PRP4K: variants seen among roughly 807,000 people sequenced by gnomAD.
PRP4K encodes the protein pre-mRNA processing factor kinase PRP4K.
the PRP4K span, chr6:4,056,895 A>C: frequency 9.1e-7 from 1 of 1,100,492 alleles, no homozygotes; most frequent in Non-Finnish European, 1.3e-6. Flanking sequence ...GAAAGAACAC[A>C]AAACTAATTG....
the PRP4K span, among the ~76,000 whole-genome samples, chr6:4,027,133 C>T: frequency 6.6e-6 from 1 of 152,194 alleles, no homozygotes; most frequent in Non-Finnish European, 1.5e-5. Flanking sequence ...AGAGTAGTGA[C>T]ATAATCTGAC....
the PRP4K span, chr6:4,049,948 A>G: frequency 2.0e-6 from 3 of 1,494,896 alleles, no homozygotes; most frequent in Non-Finnish European, 2.7e-6. Flanking sequence ...TTTTTAAACT[A>G]TTTTTTTAAA....
At chr6:4,055,108 A>C in the PRP4K span, among the ~76,000 whole-genome samples, 1 of 152,232 alleles carries the variant, frequency 6.6e-6, no homozygotes, top group Non-Finnish European at 1.5e-5. Flanking sequence ...GTGTGGTTTA[A>C]GTACCACATT....
At chr6:4,047,294 T>C in the PRP4K span, 1 of 1,418,306 alleles carries the variant, frequency 7.1e-7, no homozygotes, top group Non-Finnish European at 9.9e-7. Flanking sequence ...AAATAACAAA[T>C]ATATTGGTGC....
chr6:4,032,824 G>A, the PRP4K span: 5 of 1,412,638 alleles, frequency 3.5e-6, no homozygotes, highest in Non-Finnish European at 4.6e-6. Flanking sequence ...ACTAGAACTT[G>A]TGGACCATTA....
chr6:4,021,482 G>C, the PRP4K span: 2 of 1,575,034 alleles, frequency 1.3e-6, no homozygotes, highest in African/African-American at 1.3e-5. Flanking sequence ...TAGTCTCTGT[G>C]AGTGGGCCAG....
chr6:4,032,244 A>G, the PRP4K span: 6 of 1,613,516 alleles, frequency 3.7e-6, no homozygotes, highest in Non-Finnish European at 4.2e-6. Context: ...AAAATCCCCT[A>G]CCCTTAGAAG....
chr6:4,029,938 CTTT>C, the PRP4K span, among the ~76,000 whole-genome samples: 7 of 133,746 alleles, frequency 5.2e-5, no homozygotes, highest in Non-Finnish European at 8.1e-5. Context: ...TGTTTTCTTT[CTTT>C]TTTTTTTTTT....
chr6:4,046,443 T>C, the PRP4K span, among the ~76,000 whole-genome samples: 2 of 152,176 alleles, frequency 1.3e-5, no homozygotes. Context: ...AGAAAATCCT[T>C]TTATTTTTTA....
At chr6:4,053,592 T>G in the PRP4K span, among the ~76,000 whole-genome samples, 1 of 152,208 alleles carries the variant, frequency 6.6e-6, no homozygotes, top group African/African-American at 2.4e-5. Flanking sequence ...TTTTTAAAAT[T>G]TTGAAATACA....
chr6:4,063,013 C>T, the PRP4K span: 1 of 152,524 alleles, frequency 6.6e-6, no homozygotes, highest in Non-Finnish European at 1.5e-5. Context: ...CTTATACCTT[C>T]AAAACTGTTA....
At chr6:4,040,184 G>GTT in the PRP4K span, among the ~76,000 whole-genome samples, 5 of 144,560 alleles carry the variant, frequency 3.5e-5, no homozygotes, top group Non-Finnish European at 4.6e-5. Context: ...CCAGCCCCCA[G>GTT]TTTTTTTTTT....
chr6:4,038,989 C>G, the PRP4K span, among the ~76,000 whole-genome samples: 7 of 149,478 alleles, frequency 4.7e-5, no homozygotes, highest in African/African-American at 1.7e-4. Flanking sequence ...CACGTATTAA[C>G]ATTTTATTCA....
the PRP4K span, chr6:4,047,092 A>G: frequency 8.6e-4 from 1,026 of 1,186,186 alleles, no homozygotes; most frequent in South Asian, 1.2e-3. Flanking sequence ...AGTTTGAATT[A>G]CTATTAATGA....
At chr6:4,025,463 A>T in the PRP4K span, among the ~76,000 whole-genome samples, 7 of 152,210 alleles carry the variant, frequency 4.6e-5, no homozygotes, top group African/African-American at 7.2e-5. Context: ...AGATGAGTTG[A>T]GACTGGTAAA....
At chr6:4,039,562 T>C in the PRP4K span, among the ~76,000 whole-genome samples, 1 of 152,156 alleles carries the variant, frequency 6.6e-6, no homozygotes, top group Non-Finnish European at 1.5e-5. Flanking sequence ...TCTGGCTGTT[T>C]ATAAAGGCTT....
the PRP4K span, among the ~76,000 whole-genome samples, chr6:4,024,705 T>G: frequency 6.6e-6 from 1 of 152,070 alleles, no homozygotes; most frequent in African/African-American, 2.4e-5. Context: ...CAGGTTCAAG[T>G]GATTCTCCTG....
the PRP4K span, chr6:4,031,922 C>T: frequency 6.2e-7 from 1 of 1,613,900 alleles, no homozygotes; most frequent in Non-Finnish European, 8.5e-7. Context: ...GTATGGGGCT[C>T]ATTTTGCAAG....
chr6:4,028,244 G>T, the PRP4K span, among the ~76,000 whole-genome samples: 1 of 152,140 alleles, frequency 6.6e-6, no homozygotes, highest in Non-Finnish European at 1.5e-5. Context: ...AGGCTGGAGT[G>T]CAGTGCATGA....
Sources: allele counts gnomAD v4.1 joint callset (sites outside exome capture counted in the v4.1 genomes callset), GRCh38; gene constraint gnomAD v4.1.1; transcripts MANE v1.5; gene names NCBI Gene and HGNC (gene_info 2026-07-23, HGNC 2026-07-21).